The following RXFP1 variants were observed in gnomAD, a reference collection of about 807,000 sequenced individuals.
RXFP1 encodes relaxin family peptide receptor 1, also known as relaxin receptor 1.
A neutral mutation model predicts 89.8 loss-of-function variants in RXFP1; 73 were observed. That is an observed-to-expected ratio of 0.81 (90% CI 0.67 to 0.99). The LOEUF is 0.99. RXFP1 is among the 50% of genes least tolerant of loss of function. The pLI is 0.00. For missense variants in RXFP1, 793 were observed against 895.5 expected (o/e 0.89, Z 1.46); for synonymous variants, 277 against 305.5 (o/e 0.91, Z 0.97).
intron 1 of RXFP1, among the ~76,000 whole-genome samples, chr4:158,550,989 A>T (rs1017285729): frequency 1.3e-5 from 2 of 152,192 alleles, no homozygotes; most frequent in African/African-American, 4.8e-5. Context: ...TGAAGAAAAA[A>T]AAAAGCAACT....
At chr4:158,623,342 C>CAA (rs35034196) in intron 9 of RXFP1, among the ~76,000 whole-genome samples, 11,263 of 106,216 alleles carry the variant, frequency 0.11, 1,698 homozygotes, top group African/African-American at 0.32. Context: ...CTACTAAATA[C>CAA]AAAAAAAAAA....
chr4:158,617,239 C>T, intron 9 of RXFP1, 34 bp downstream of exon 9: 1 of 1,502,800 alleles, frequency 6.7e-7, no homozygotes, highest in Admixed American at 1.8e-5. Flanking sequence ...AAGAACTCAA[C>T]TAAATTTTCT....
Position 158,644,931 on chromosome 4 carries a change from T to A in RXFP1, c.1138T>A (p.Cys380Ser), listed in dbSNP as rs1188640772. The A allele has an allele frequency of 4.3e-6, 7 of 1,613,618 alleles. No individual in the cohort carries two copies. The highest frequency in any genetic ancestry group is 5.1e-6 in the Non-Finnish European group (6 of 1,179,670). ...CAGATATTTTAAGAAATTCCAGTAC[T>A]GTGGGTATGCACCACATGTTCGCAG... ...SHIYFKKFQYCGYAPHVRSCK... is the reference protein window; with the variant it reads ...SHIYFKKFQYSGYAPHVRSCK... The change falls in exon 15 of 18, where the codon TGT becomes AGT. Residue 380 changes from cysteine (C) to serine (S), a missense_variant. Transcript: ENST00000307765.
At chr4:158,587,296 T>TA (rs1758485208) in intron 2 of RXFP1, among the ~76,000 whole-genome samples, 2 of 152,364 alleles carry the variant, frequency 1.3e-5, no homozygotes, top group South Asian at 4.1e-4. Flanking sequence ...CCTACCTACT[T>TA]ACATGCTTTA....
At chr4:158,538,000 T>G (rs935246647) in intron 1 of RXFP1, among the ~76,000 whole-genome samples, 1 of 152,158 alleles carries the variant, frequency 6.6e-6, no homozygotes, top group African/African-American at 2.4e-5. Context: ...GGCACTCAGA[T>G]AGGTGGAACA....
chr4:158,594,005 A>G (rs1579908161), intron 3 of RXFP1, among the ~76,000 whole-genome samples: 3 of 152,232 alleles, frequency 2.0e-5, no homozygotes, highest in African/African-American at 7.2e-5. Flanking sequence ...TATAAACCTG[A>G]GGATTAACTA....
chr4:158,566,547 TAG>T (rs1753596656), intron 1 of RXFP1, among the ~76,000 whole-genome samples: 1 of 152,064 alleles, frequency 6.6e-6, no homozygotes, highest in African/African-American at 2.4e-5. Context: ...GCATTTTTAG[TAG>T]AGATGAGGTT....
At chr4:158,651,725 A>G (rs745915506) in intron 17 of RXFP1, 32 bp from the exon 18 acceptor site, 2 of 1,534,048 alleles carry the variant, frequency 1.3e-6, no homozygotes, top group Non-Finnish European at 1.8e-6. Context: ...AACATCTATA[A>G]ACACTAAAAC....
At chr4:158,552,178 T>G (rs1163546059) in intron 1 of RXFP1, among the ~76,000 whole-genome samples, 2 of 152,158 alleles carry the variant, frequency 1.3e-5, no homozygotes, top group Admixed American at 1.3e-4. Context: ...TGCCCTTAAT[T>G]TAGGATTTTT....
At chr4:158,606,750 CTTTT>C (rs552763586) in intron 5 of RXFP1, among the ~76,000 whole-genome samples, 3 of 138,020 alleles carry the variant, frequency 2.2e-5, no homozygotes, top group African/African-American at 2.6e-5. Context: ...CACCTGGCTC[CTTTT>C]TTTTTTTTTT....
intron 1 of RXFP1, among the ~76,000 whole-genome samples, chr4:158,549,483 G>T (rs145823723): frequency 6.6e-6 from 1 of 152,118 alleles, no homozygotes; most frequent in African/African-American, 2.4e-5. Context: ...GCTTTGTTCC[G>T]TTGCTAGTGA....
intron 1 of RXFP1, among the ~76,000 whole-genome samples, chr4:158,552,579 A>G (rs921603517): frequency 5.3e-5 from 8 of 152,234 alleles, no homozygotes; most frequent in African/African-American, 1.9e-4. Context: ...TCACATAGAA[A>G]TGTAATATGT....
At chr4:158,555,577 C>CA (rs1415932599) in intron 1 of RXFP1, among the ~76,000 whole-genome samples, 2 of 152,170 alleles carry the variant, frequency 1.3e-5, no homozygotes, top group East Asian at 1.9e-4. Flanking sequence ...GTGCACCACT[C>CA]ACACAGACCC....
chr4:158,626,293 A>AAAT (rs1287540479), intron 9 of RXFP1, among the ~76,000 whole-genome samples: 4 of 152,118 alleles, frequency 2.6e-5, no homozygotes, highest in Non-Finnish European at 5.9e-5. Context: ...AAATAAGGGT[A>AAAT]TTCCCAATAG....
rs1200209094 is a variant in RXFP1 at position 158,531,686 on chromosome 4, A to G, written c.49+9661A>G. 5.3e-5 allele frequency among the ~76,000 whole-genome samples: 8 copies of G among 152,322 alleles called. No individual in the cohort carries two copies. The South Asian group carries it at 1.2e-3, about 24-fold the overall frequency. Reference sequence around the variant, plus strand: ...CTTTAAATCTTATGCCATCATTAACATTAAGCATACCAAATCCAGGTACGA... The same window carrying G: ...CTTTAAATCTTATGCCATCATTAACGTTAAGCATACCAAATCCAGGTACGA... On this transcript the variant is annotated intron_variant, in intron 1 of 17. Coordinates refer to ENST00000307765, the MANE Select transcript of RXFP1 (RefSeq NM_021634.4).
chr4:158,544,089 A>G (rs939477760), intron 1 of RXFP1: 1 of 981,028 alleles, frequency 1.0e-6, no homozygotes, highest in Non-Finnish European at 1.2e-6. Flanking sequence ...AGAACTAACA[A>G]GAGAACCATC....
chr4:158,543,979 G>A, intron 1 of RXFP1: 1 of 985,410 alleles, frequency 1.0e-6, no homozygotes, highest in Non-Finnish European at 1.2e-6. Flanking sequence ...ATTCTGCCAT[G>A]TTTCGTCCAT....
intron 14 of RXFP1, 59 bp from the exon 15 acceptor site, chr4:158,644,850 A>G: frequency 9.0e-7 from 1 of 1,108,592 alleles, no homozygotes; most frequent in Admixed American, 2.0e-5. Context: ...ATAAATATGA[A>G]TGTATGGTGA....
chr4:158,623,485 A>G (rs565331322), intron 9 of RXFP1, among the ~76,000 whole-genome samples: 24 of 138,224 alleles, frequency 1.7e-4, no homozygotes, highest in African/African-American at 6.1e-4. Context: ...CTGGGCAACA[A>G]GAGTGAAACT....
Sources: allele counts gnomAD v4.1 joint callset (sites outside exome capture counted in the v4.1 genomes callset), GRCh38; gene constraint gnomAD v4.1.1; transcripts MANE v1.5; gene names NCBI Gene and HGNC (gene_info 2026-07-23, HGNC 2026-07-21).